The following FAIM2 variants were observed in gnomAD, a reference collection of about 807,000 sequenced individuals.
FAIM2 encodes the protein Fas apoptotic inhibitory molecule 2.
Under a neutral mutation model 47.4 loss-of-function variants are expected in FAIM2, and 27 were observed. The ratio of observed to expected loss-of-function variants is 0.57; its 90% CI spans 0.42 to 0.78. The LOEUF is 0.78. Ranked by LOEUF, FAIM2 falls within the 30% of genes least tolerant of loss-of-function variation. FAIM2 has a pLI of 0.00. For synonymous variants in FAIM2, 156 were observed against 159.3 expected (o/e 0.98, Z 0.16); for missense variants, 311 against 389.4 (o/e 0.80, Z 1.69).
intron 2 of FAIM2, among the ~76,000 whole-genome samples, chr12:49,898,359 G>A: frequency 2.0e-5 from 1 of 51,088 alleles, no homozygotes; most frequent in Non-Finnish European, 4.0e-5. Flanking sequence ...GGGGCTCCCT[G>A]GGGACCAAGC....
At chr12:49,902,709 C>CA (rs1387419837) in intron 1 of FAIM2, 1 of 152,008 alleles carries the variant, frequency 6.6e-6, no homozygotes, top group Non-Finnish European at 1.5e-5. Flanking sequence ...TCCCCAGCCC[C>CA]CCTCATCACC....
chr12:49,870,884 G>A (rs1477754565), intron 11 of FAIM2, among the ~76,000 whole-genome samples: 2 of 152,248 alleles, frequency 1.3e-5, no homozygotes, highest in Non-Finnish European at 2.9e-5. Flanking sequence ...GAACAAGACA[G>A]CCGGGATCCC....
intron 5 of FAIM2, among the ~76,000 whole-genome samples, chr12:49,893,817 C>T (rs1402407000): frequency 1.3e-5 from 2 of 152,200 alleles, no homozygotes; most frequent in Non-Finnish European, 1.5e-5. Flanking sequence ...AGGAAACACT[C>T]GGAACCTGCC....
chr12:49,871,165 C>G (rs1002375035), intron 11 of FAIM2, among the ~76,000 whole-genome samples: 1 of 152,150 alleles, frequency 6.6e-6, no homozygotes. Flanking sequence ...TCAGTGCTAC[C>G]GACATCCCCA....
In FAIM2 at chr12:49,868,061, T is replaced by G. The variant is rs1383770522; in HGVS notation, c.*2443A>C. 6.5e-6 allele frequency: 1 copy of G among 153,580 alleles called. No homozygotes were observed. Among genetic ancestry groups the G allele is most frequent in the Non-Finnish European group, 1.5e-5 (1 of 68,948 alleles). The allele number at this position is 153,580 out of a possible 1,614,324, so 9.5% of individuals were successfully genotyped here. On this transcript the variant is annotated 3_prime_UTR_variant, in exon 12 of 12. Transcript: ENST00000320634. ...TTTGGCACTCAGCCCTGAATAAGCT[T>G]CTAAATCCCCAGTTTCTGCAGTAAC...
rs1430636651 is a variant in FAIM2, at chr12:49,878,608, G to GTGCATA, written c.802-7956_802-7955insTATGCA. 1.5e-5 allele frequency among the ~76,000 whole-genome samples: 2 copies of GTGCATA among 136,390 alleles called. 1 individual carries two copies. Among genetic ancestry groups the GTGCATA allele is most frequent in the Non-Finnish European group, 3.1e-5 (2 of 64,372 alleles). 89.5% of individuals were successfully genotyped at this position (136,390 alleles called of 152,430 possible). On this transcript the variant is annotated intron_variant, in intron 11 of 11. Coordinates refer to ENST00000320634, the MANE Select transcript of FAIM2 (RefSeq NM_012306.4). ...TACATGTGTATGTGTATGTGTGCAT[G>GTGCATA]TGTATGTGTGCATATGTGTATGTAT...
In FAIM2 at chr12:49,870,682, G is replaced by A. The variant is rs749118447; in HGVS notation, c.802-29C>T. The A allele has an allele frequency of 1.2e-5, 19 of 1,611,030 alleles. 1 individual carries two copies. The South Asian group carries it at 2.1e-4, about 18-fold the overall frequency. ...GGAGAAGTGAGGAGAGAGAGAGAGA[G>A]GTCAGAGGCCCAGGCAGTGTGACAC... is the stretch of plus-strand genomic sequence containing the variant. On this transcript the variant is annotated intron_variant, in intron 11 of 11. Coordinates refer to ENST00000320634, the MANE Select transcript of FAIM2 (RefSeq NM_012306.4).
chr12:49,891,169 C>T (rs1050474842), intron 5 of FAIM2, 55 bp from the exon 6 acceptor site: 2 of 1,539,720 alleles, frequency 1.3e-6, no homozygotes, highest in African/African-American at 2.7e-5. Context: ...GTCCCTCCCC[C>T]AAGATCCCCT....
chr12:49,880,488 A>ATGTATATGTG (rs1946808933), intron 11 of FAIM2, among the ~76,000 whole-genome samples: 2 of 42,964 alleles, frequency 4.7e-5, no homozygotes, highest in African/African-American at 2.3e-4. Flanking sequence ...ATGTGTATGC[A>ATGTATATGTG]TGTGTATGTG....
chr12:49,886,623 C>T (rs1168284566), intron 11 of FAIM2, among the ~76,000 whole-genome samples: 3 of 152,154 alleles, frequency 2.0e-5, no homozygotes, highest in South Asian at 2.1e-4. Flanking sequence ...TACAGGCGCC[C>T]GCCACCACAC....
At position 49,874,491 on chromosome 12, in the gene FAIM2, C is replaced by A. The variant is rs1592783340; in HGVS notation, c.802-3838G>T. 6.6e-6 allele frequency among the ~76,000 whole-genome samples: 1 copy of A among 152,310 alleles called. No individual in the cohort carries two copies. The highest frequency in any genetic ancestry group is 2.1e-4 in the South Asian group (1 of 4,826). On this transcript the variant is annotated intron_variant, in intron 11 of 11. Transcript: ENST00000320634. This position sits in a 1 kb window ranked among gnomAD's most constrained non-coding sequence, Gnocchi z 4.2. Reference sequence around the variant, plus strand: ...GTGCCAAAGGCAAACTTCCCCGCCTCACTTTACTGGCCAGTGCTAAACCTG... The same window carrying A: ...GTGCCAAAGGCAAACTTCCCCGCCTAACTTTACTGGCCAGTGCTAAACCTG...
intron 5 of FAIM2, among the ~76,000 whole-genome samples, chr12:49,894,434 T>A (rs1242736147): frequency 6.6e-6 from 1 of 151,020 alleles, no homozygotes; most frequent in Non-Finnish European, 1.5e-5. Flanking sequence ...TGAGAACCAA[T>A]GGAGGGAGGC....
Position 49,898,064 on chromosome 12 carries a change from A to G in FAIM2, c.238T>C (p.Phe80Leu). Reference sequence around the variant, plus strand: ...AAGAGCTCATGGTCTCCGGTGGGGAAACCGTTGTCATAGCTGGAGCTGCTG... The same window carrying G: ...AAGAGCTCATGGTCTCCGGTGGGGAGACCGTTGTCATAGCTGGAGCTGCTG... ...PSSSSSYDNG[F>L]PTGDHELFTT... The change falls in exon 3 of 12, where the codon TTC (phenylalanine) becomes CTC (leucine). Residue 80 changes from phenylalanine (F) to leucine (L), a missense_variant. Physicochemically the swap from Phe to Leu is conservative, Grantham distance 22 (BLOSUM62 0). Transcript: ENST00000320634. 6.2e-7 allele frequency: 1 copy of G among 1,613,818 alleles called. No homozygotes were observed. The highest frequency in any genetic ancestry group is 8.5e-7 in the Non-Finnish European group (1 of 1,179,814).
At chr12:49,886,502 G>A (rs1038889348) in intron 11 of FAIM2, among the ~76,000 whole-genome samples, 1 of 152,082 alleles carries the variant, frequency 6.6e-6, no homozygotes, top group African/African-American at 2.4e-5. Flanking sequence ...TTGAGACGGA[G>A]TCTCACTCTG....
chr12:49,883,746 A>G (rs928573207), intron 11 of FAIM2, among the ~76,000 whole-genome samples: 1 of 152,090 alleles, frequency 6.6e-6, no homozygotes, highest in African/African-American at 2.4e-5. Context: ...GGCTGTAGAA[A>G]CGCCTGGGTG....
Position 49,895,638 on chromosome 12 carries a change from AG to A in FAIM2, c.434+1392del, listed in dbSNP as rs1299250133. ...CATGCCTCCCTGCCTGCCTGCAGACAGGCCCTCTGTCCTCTGCTCTAGGAAA... is the reference window on the plus strand; with the variant it reads ...CATGCCTCCCTGCCTGCCTGCAGACAGCCCTCTGTCCTCTGCTCTAGGAAA... On this transcript the variant is annotated intron_variant, in intron 5 of 11. Transcript: ENST00000320634. 6.6e-5 allele frequency among the ~76,000 whole-genome samples: 10 copies of A among 152,290 alleles called. No individual in the cohort carries two copies. In the East Asian group the frequency reaches 1.7e-3, roughly 26 times the overall value.
At chr12:49,890,261 C>T (rs895959302) in intron 7 of FAIM2, 107 bp from the exon 8 acceptor site, 4 of 982,962 alleles carry the variant, frequency 4.1e-6, no homozygotes, top group Non-Finnish European at 4.8e-6. Flanking sequence ...CCCCTCAACT[C>T]TTTGTCTATG....
chr12:49,898,233 C>T (rs894712664), intron 2 of FAIM2, 143 bp from the exon 3 acceptor site: 1 of 653,338 alleles, frequency 1.5e-6, no homozygotes, highest in Non-Finnish European at 2.8e-6. Context: ...CATTATCAAA[C>T]ACCCAGCCCG....
chr12:49,878,448 GTGAA>G (rs1401635406), intron 11 of FAIM2, among the ~76,000 whole-genome samples: 3 of 126,228 alleles, frequency 2.4e-5, no homozygotes, highest in Admixed American at 9.3e-5. Flanking sequence ...GTGTGTCTGA[GTGAA>G]TGTGTATGCA....
Sources: allele counts gnomAD v4.1 joint callset (sites outside exome capture counted in the v4.1 genomes callset), GRCh38; gene constraint gnomAD v4.1.1; non-coding constraint Gnocchi (gnomAD v3.1); transcripts MANE v1.5; gene names NCBI Gene and HGNC (gene_info 2026-07-23, HGNC 2026-07-21).